ZNF436: variants seen among roughly 807,000 people sequenced by gnomAD.
ZNF436 encodes DNA-binding protein.
In ZNF436, 22 loss-of-function variants were observed where a neutral mutation model predicts 41.9. The observed-to-expected ratio is 0.53, with a 90% CI of 0.38 to 0.75. The LOEUF (loss-of-function observed/expected upper bound fraction) is 0.75, where lower values mean the gene tolerates loss of function less well. ZNF436 is among the 30% of genes least tolerant of loss of function. The pLI, the probability that ZNF436 is intolerant of heterozygous loss-of-function variation, is 0.00. For synonymous variants in ZNF436, 217 were observed against 197.8 expected (o/e 1.10, Z -0.82); for missense variants, 506 against 587.3 (o/e 0.86, Z 1.43).
chr1:23,369,437 C>T lies in ZNF436; in HGVS notation c.-132G>A, dbSNP rs1253262548. 1.9e-6 allele frequency: 1 copy of T among 534,614 alleles called. No homozygotes were observed. Among genetic ancestry groups the T allele is most frequent in the East Asian group, 5.4e-5 (1 of 18,350 alleles). The allele number at this position is 534,614 out of a possible 1,614,324, so 33.1% of individuals were successfully genotyped here. On this transcript the variant is annotated 5_prime_UTR_variant, in exon 1 of 4. Transcript: ENST00000314011. Reference sequence around the variant, plus strand: ...AGAGACCGCGAACGGGTTCCAGAGCCGCAGCGTTCTCTCAGACCTGGCGTT... The same window carrying T: ...AGAGACCGCGAACGGGTTCCAGAGCTGCAGCGTTCTCTCAGACCTGGCGTT...
intron 3 of ZNF436, among the ~76,000 whole-genome samples, chr1:23,365,122 G>C (rs894062579): frequency 6.6e-6 from 1 of 151,920 alleles, no homozygotes; most frequent in African/African-American, 2.4e-5. Context: ...GGCCGGGCGC[G>C]GTGGCTCACG....
intron 3 of ZNF436, among the ~76,000 whole-genome samples, chr1:23,364,247 T>G (rs1321246363): frequency 6.6e-6 from 1 of 152,222 alleles, no homozygotes. Context: ...TGTTTTGTTT[T>G]GTTTTTTGAG....
chr1:23,364,711 CTAAGTA>C (rs1557994210), intron 3 of ZNF436, among the ~76,000 whole-genome samples: 2 of 152,198 alleles, frequency 1.3e-5, no homozygotes, highest in Non-Finnish European at 2.9e-5. Context: ...TTGGCATTGT[CTAAGTA>C]TATTTCACAT....
At chr1:23,367,828 C>G (rs770623160) in intron 2 of ZNF436, 145 bp downstream of exon 2, 6 of 817,520 alleles carry the variant, frequency 7.3e-6, no homozygotes, top group Non-Finnish European at 1.2e-5. Context: ...ACTATACTGG[C>G]CTGGTACTAG....
At position 23,362,573 on chromosome 1, in the gene ZNF436, C is replaced by G. The variant is rs773714166; in HGVS notation, c.809G>C (p.Arg270Thr). 2 of 1,611,314 alleles carry G rather than the reference C, an allele frequency of 1.2e-6. No individual in the cohort carries two copies. Among genetic ancestry groups the G allele is most frequent in the Non-Finnish European group, 1.7e-6 (2 of 1,179,214 alleles). The change falls in exon 4 of 4, where the codon AGG becomes ACG. Residue 270 changes from arginine (R) to threonine (T), a missense_variant. Arg to Thr is a moderately conservative substitution (Grantham distance 71, BLOSUM62 -1). This residue lies in a region of ZNF436 where 278 missense variants were observed against 372.1 expected (regional missense o/e 0.75). Transcript: ENST00000314011. ...SRSSHLAQHQRTHTGEKPYEC... is the reference protein window; with the variant it reads ...SRSSHLAQHQTTHTGEKPYEC... ...ATAAGGTTTCTCACCCGTGTGGGTC[C>G]TCTGGTGCTGAGCTAGGTGAGAGCT...
intron 3 of ZNF436, among the ~76,000 whole-genome samples, chr1:23,366,710 A>G (rs1638365404): frequency 6.6e-6 from 1 of 152,254 alleles, no homozygotes. Context: ...ACCCTAGAGT[A>G]AAAGCACTAG....
In ZNF436 at chr1:23,359,998, TA is replaced by T. The variant is rs1374042415; in HGVS notation, c.*1970del. The T allele has an allele frequency of 6.6e-6, 1 of 152,640 alleles. No homozygotes were observed. The highest frequency in any genetic ancestry group is 1.5e-5 in the Non-Finnish European group (1 of 68,056). The allele number at this position is 152,640 out of a possible 1,614,324, so 9.5% of individuals were successfully genotyped here. On this transcript the variant is annotated 3_prime_UTR_variant, in exon 4 of 4. Transcript: ENST00000314011. ...GCAACAGGAGAACTTTGACATTTATTAAAACCATCAGCAACATATATGAGAA... is the reference window on the plus strand; with the variant it reads ...GCAACAGGAGAACTTTGACATTTATTAAACCATCAGCAACATATATGAGAA...
Position 23,359,938 on chromosome 1 carries a change from C to G in ZNF436, c.*2031G>C, listed in dbSNP as rs933884164. ...TCATGGAAATGCGGTCATCTATGGC[C>G]ACTCCCAAGCTGATACCCATAGTGG... On this transcript the variant is annotated 3_prime_UTR_variant, in exon 4 of 4. Coordinates refer to ENST00000314011, the MANE Select transcript of ZNF436 (RefSeq NM_001077195.2). The G allele has an allele frequency of 1.3e-5, 2 of 152,564 alleles. No individual in the cohort carries two copies. The highest frequency in any genetic ancestry group is 1.5e-5 in the Non-Finnish European group (1 of 68,048). 9.5% of individuals were successfully genotyped at this position (152,564 alleles called of 1,614,324 possible). A position where few individuals can be genotyped will look rare whatever the true frequency, so the allele number is the denominator to read the frequency against.
intron 1 of ZNF436, 31 bp from the exon 2 acceptor site, chr1:23,368,096 AC>A: frequency 6.8e-7 from 1 of 1,473,098 alleles, no homozygotes; most frequent in East Asian, 2.3e-5. Flanking sequence ...GGCGTGAGGC[AC>A]GGAAAACAGG....
chr1:23,364,952 C>A (rs1638325384), intron 3 of ZNF436, among the ~76,000 whole-genome samples: 1 of 152,032 alleles, frequency 6.6e-6, no homozygotes, highest in Non-Finnish European at 1.5e-5. Context: ...TCTAAGGAAT[C>A]CTGAGGTAAA....
Position 23,362,419 on chromosome 1 carries a change from A to G in ZNF436, c.963T>C (p.Leu321=), listed in dbSNP as rs936891164. Residue 321 remains leucine (L), a synonymous_variant, in exon 4 of 4, where the codon CTT becomes CTC. Coordinates refer to ENST00000314011, the MANE Select transcript of ZNF436 (RefSeq NM_001077195.2). ...CGKNFSQNSD[L]VRHRRAHTGE... ...CCGTGTGGGCTCTGCGATGACGCAC[A>G]AGGTCGGAGTTCTGACTGAAATTCT... The G allele has an allele frequency of 3.1e-6, 5 of 1,610,418 alleles. No homozygotes were observed. Among genetic ancestry groups the G allele is most frequent in the African/African-American group, 1.4e-5 (1 of 73,616 alleles).
At chr1:23,364,212 GC>G (rs1192782305) in intron 3 of ZNF436, among the ~76,000 whole-genome samples, 2 of 152,112 alleles carry the variant, frequency 1.3e-5, no homozygotes, top group African/African-American at 4.8e-5. Context: ...TTACTAAGAA[GC>G]CACTATGTTT....
chr1:23,368,619 G>A (rs1405693556), intron 1 of ZNF436, among the ~76,000 whole-genome samples: 1 of 152,240 alleles, frequency 6.6e-6, no homozygotes, highest in Non-Finnish European at 1.5e-5. Context: ...CTCCCAGTCA[G>A]GGCGGAGTAT....
Position 23,363,158 on chromosome 1 carries a change from A to G in ZNF436, c.224T>C (p.Phe75Ser). 1 of 1,614,028 alleles carries G rather than the reference A, an allele frequency of 6.2e-7. No individual in the cohort carries two copies. The highest frequency in any genetic ancestry group is 1.1e-5 in the South Asian group (1 of 91,076). Residue 75 changes from phenylalanine (F) to serine (S), a missense_variant, in exon 4 of 4, where the codon TTT (phenylalanine) becomes TCT (serine). Physicochemically the swap from Phe to Ser is radical, Grantham distance 155 (BLOSUM62 -2). Transcript: ENST00000314011. ...AGCAGGTCTTTCAGATGTAGTCCCA[A>G]ATTGTACATCTTCACTAATCTCTTG... ...PKQEISEDVQ[F>S]GTTSERPAEN... is the part of the protein sequence containing the mutation.
At chr1:23,364,577 C>A (rs746433179) in intron 3 of ZNF436, among the ~76,000 whole-genome samples, 12 of 152,156 alleles carry the variant, frequency 7.9e-5, no homozygotes, top group Non-Finnish European at 1.8e-4. Context: ...TGAATCTTTA[C>A]CTATGTCATA....
Position 23,361,732 on chromosome 1 carries a change from G to C in ZNF436, c.*237C>G, listed in dbSNP as rs1333850802. 1.7e-5 allele frequency: 7 copies of C among 414,214 alleles called. No individual in the cohort carries two copies. Among genetic ancestry groups the C allele is most frequent in the Non-Finnish European group, 3.0e-5 (7 of 231,632 alleles). The allele number at this position is 414,214 out of a possible 1,614,324, so 25.7% of individuals were successfully genotyped here. ...CTGGTCTTCAGATTTCCAGTTACTT[G>C]TGGGGCTGCTTTTAATGAAGTAACC... On this transcript the variant is annotated 3_prime_UTR_variant, in exon 4 of 4. Transcript: ENST00000314011.
chr1:23,368,228 A>C, intron 1 of ZNF436, 163 bp from the exon 2 acceptor site: 4 of 580,906 alleles, frequency 6.9e-6, no homozygotes. Context: ...CGTCTCCGCC[A>C]CAGCGGGGTG....
chr1:23,362,076 G>T lies in ZNF436; in HGVS notation c.1306C>A (p.His436Asn), dbSNP rs1384561492. 1.9e-6 allele frequency: 3 copies of T among 1,614,168 alleles called. No homozygotes were observed. In the Admixed American group the frequency reaches 5.0e-5, roughly 27 times the overall value. ...GFTQSSNLITHQRVHTGEKPY... is the reference protein window; with the variant it reads ...GFTQSSNLITNQRVHTGEKPY... The stretch of plus-strand genomic sequence containing the variant: ...TTCTCTCCCGTGTGAACTCTTTGAT[G>T]TGTGATGAGGTTGGAGCTCTGGGTG... The change falls in exon 4 of 4, where the codon CAT becomes AAT. Residue 436 changes from histidine to asparagine, a missense_variant. Coordinates refer to ENST00000314011, the MANE Select transcript of ZNF436 (RefSeq NM_001077195.2).
At chr1:23,369,119 G>C (rs977908916) in intron 1 of ZNF436, 1 of 284,622 alleles carries the variant, frequency 3.5e-6, no homozygotes, top group Admixed American at 4.5e-5. Flanking sequence ...GAAAACCCTG[G>C]GGGACTCAGA....
Sources: gnomAD v4.1 joint callset for allele counts (sites outside exome capture counted in the v4.1 genomes callset) on GRCh38, gnomAD v4.1.1 for gene constraint, gnomAD v4.1.1 regional missense constraint, MANE v1.5 for transcripts, NCBI Gene and HGNC (gene_info 2026-07-23, HGNC 2026-07-21) for gene names.